Variants in YAP1 observed in about 807,000 individuals in gnomAD.
The protein encoded by YAP1 is Yes1 associated transcriptional regulator, also known as transcriptional coactivator YAP1.
In YAP1, 5 loss-of-function variants were observed where a neutral mutation model predicts 56.9. The ratio of observed to expected loss-of-function variants is 0.09; its 90% CI spans 0.05 to 0.18. The LOEUF (loss-of-function observed/expected upper bound fraction) is 0.18. Ranked by LOEUF, YAP1 falls within the 10% of genes least tolerant of loss-of-function variation. The probability of loss-of-function intolerance (pLI) is 1.00; values close to 1 mark genes in which losing one functional copy is unlikely to be tolerated. For missense variants in YAP1, 539 were observed against 651.8 expected (o/e 0.83, Z 1.88); for synonymous variants, 265 against 248.1 (o/e 1.07, Z -0.64).
intron 3 of YAP1, among the ~76,000 whole-genome samples, chr11:102,185,116 C>G (rs1472083822): frequency 6.6e-6 from 1 of 152,128 alleles, no homozygotes; most frequent in Non-Finnish European, 1.5e-5. Context: ...TATCTCCTGC[C>G]CTGCCTCTTT....
At chr11:102,219,608 A>G (rs1335726082) in intron 6 of YAP1, among the ~76,000 whole-genome samples, 12 of 152,094 alleles carry the variant, frequency 7.9e-5, no homozygotes, top group Admixed American at 7.9e-4. Context: ...AGAAGATAGA[A>G]AAGAAATAAG....
In YAP1 at chr11:102,229,990, C is replaced by G; in HGVS notation, c.*50C>G. 6.6e-7 allele frequency: 1 copy of G among 1,508,222 alleles called. No individual in the cohort carries two copies. The highest frequency in any genetic ancestry group is 9.1e-7 in the Non-Finnish European group (1 of 1,093,776). 93.4% of individuals were successfully genotyped at this position (1,508,222 alleles called of 1,614,324 possible). A position where few individuals can be genotyped will look rare whatever the true frequency, so the allele number is the denominator to read the frequency against. On this transcript the variant is annotated 3_prime_UTR_variant, in exon 9 of 9. Transcript: ENST00000282441. ...AATCTGTGAAGGATCTAAGGAGACA[C>G]ATGCACCGGAAATTTCCATAAGCCA...
At chr11:102,184,139 A>C (rs1947817111) in intron 3 of YAP1, among the ~76,000 whole-genome samples, 1 of 151,722 alleles carries the variant, frequency 6.6e-6, no homozygotes, top group South Asian at 2.1e-4. Flanking sequence ...TGAGGCTCCC[A>C]AAGGCATTCA....
intron 2 of YAP1, among the ~76,000 whole-genome samples, chr11:102,159,816 C>T (rs937865293): frequency 1.3e-5 from 2 of 152,110 alleles, no homozygotes; most frequent in Admixed American, 1.3e-4. Context: ...CTTGACTTTT[C>T]TTTTCCACAG....
rs189801373 is a variant in YAP1 at position 102,133,900 on chromosome 11, G to A, written c.572+19506G>A. Among the ~76,000 whole-genome samples, 442 of 152,278 alleles carry A rather than the reference G, an allele frequency of 2.9e-3. 1 individual carries two copies. The highest frequency in any genetic ancestry group is 5.2e-3 in the Non-Finnish European group (355 of 68,014). On this transcript the variant is annotated intron_variant, in intron 2 of 8. Coordinates refer to ENST00000282441, the MANE Select transcript of YAP1 (RefSeq NM_001130145.3). ...CTGAGGTCTCTTCTCTTGGTTTGTA[G>A]TTGGCTGTCAATCTCCCTGCATGCT...
intron 5 of YAP1, among the ~76,000 whole-genome samples, 193 bp downstream of exon 5, chr11:102,206,267 A>G (rs967791530): frequency 6.6e-5 from 10 of 152,170 alleles, no homozygotes; most frequent in Non-Finnish European, 1.3e-4. Context: ...ATCAAGTTAC[A>G]AGGGATGTGA....
At chr11:102,164,335 T>C (rs1430870839) in intron 3 of YAP1, among the ~76,000 whole-genome samples, 2 of 152,170 alleles carry the variant, frequency 1.3e-5, no homozygotes, top group Non-Finnish European at 2.9e-5. Context: ...GCCTGGCCCC[T>C]AATTAAAAAA....
At chr11:102,136,781 G>C (rs1177284500) in intron 2 of YAP1, among the ~76,000 whole-genome samples, 1 of 152,156 alleles carries the variant, frequency 6.6e-6, no homozygotes, top group Non-Finnish European at 1.5e-5. Context: ...TTACTGAAAA[G>C]TTCACTCCTC....
chr11:102,203,685 G>C (rs936757387), intron 4 of YAP1, among the ~76,000 whole-genome samples: 1 of 152,140 alleles, frequency 6.6e-6, no homozygotes, highest in Admixed American at 6.5e-5. Context: ...CCTTCAAAAT[G>C]TAAAATATAT....
intron 2 of YAP1, among the ~76,000 whole-genome samples, chr11:102,160,193 C>A (rs577281791): frequency 1.8e-4 from 28 of 151,406 alleles, no homozygotes; most frequent in Non-Finnish European, 2.9e-5. Flanking sequence ...CTGGCTAATT[C>A]TGTGTTTTTA....
chr11:102,142,518 CCG>C (rs1945081177), intron 2 of YAP1, among the ~76,000 whole-genome samples: 1 of 152,190 alleles, frequency 6.6e-6, no homozygotes, highest in Non-Finnish European at 1.5e-5. Flanking sequence ...CAAAAAAGGG[CCG>C]TCTTCAGCCT....
intron 3 of YAP1, among the ~76,000 whole-genome samples, chr11:102,170,486 T>C (rs988449704): frequency 6.6e-6 from 1 of 152,138 alleles, no homozygotes; most frequent in Non-Finnish European, 1.5e-5. Flanking sequence ...GGTAATTCTT[T>C]CCTGTCCTCT....
intron 2 of YAP1, among the ~76,000 whole-genome samples, chr11:102,121,301 A>G (rs1327809957): frequency 6.6e-6 from 1 of 152,132 alleles, no homozygotes; most frequent in Non-Finnish European, 1.5e-5. Flanking sequence ...TTAGCCGAGC[A>G]TGGTGGCACC....
intron 3 of YAP1, among the ~76,000 whole-genome samples, chr11:102,185,253 A>G (rs1249948230): frequency 6.6e-6 from 1 of 152,156 alleles, no homozygotes; most frequent in East Asian, 1.9e-4. Flanking sequence ...CCCAAGAGCA[A>G]TTGTCTTGAC....
rs145459781 is a variant in YAP1 at position 102,201,476 on chromosome 11, A to G, written c.803-4417A>G. On this transcript the variant is annotated intron_variant, in intron 4 of 8. Coordinates refer to ENST00000282441, the MANE Select transcript of YAP1 (RefSeq NM_001130145.3). ...TTCAAAGACAGAATGTCATAAGTAC[A>G]CCTGTATTTCAGGTGGTTGGCTAAT... Among the ~76,000 whole-genome samples, 1,215 of 152,300 alleles carry G rather than the reference A, an allele frequency of 8.0e-3. 22 individuals are homozygous for G. Among genetic ancestry groups the G allele is most frequent in the African/African-American group, 0.028 (1,147 of 41,562 alleles).
chr11:102,155,192 A>G lies in YAP1; in HGVS notation c.573-7264A>G, dbSNP rs1407537333. Among the ~76,000 whole-genome samples, 7 of 152,296 alleles carry G rather than the reference A, an allele frequency of 4.6e-5. No homozygotes were observed. In the South Asian group the frequency reaches 1.0e-3, roughly 23 times the overall value. On this transcript the variant is annotated intron_variant, in intron 2 of 8. Transcript: ENST00000282441. ...TGGAAGGCCCTGAAAGCATTACCAA[A>G]GTTTCAAAGTTACCTAAATAACATT...
At chr11:102,121,733 A>G (rs1943666675) in intron 2 of YAP1, among the ~76,000 whole-genome samples, 1 of 152,160 alleles carries the variant, frequency 6.6e-6, no homozygotes, top group Admixed American at 6.5e-5. Flanking sequence ...TCCCCTGAGG[A>G]TAAGTGGGGG....
At chr11:102,183,700 TTCTGTGTGTGTG>T (rs1565240970) in intron 3 of YAP1, among the ~76,000 whole-genome samples, 3 of 98,094 alleles carry the variant, frequency 3.1e-5, no homozygotes, top group African/African-American at 1.2e-4. Flanking sequence ...ATAATGCTGT[TTCTGTGTGTGTG>T]TGTGTGTGTG....
chr11:102,211,740 G>T (rs552023486), intron 6 of YAP1, among the ~76,000 whole-genome samples: 1 of 151,370 alleles, frequency 6.6e-6, no homozygotes, highest in South Asian at 2.1e-4. Flanking sequence ...GTCTTGCTCT[G>T]TCACCCAGGC....
Sources: allele counts gnomAD v4.1 joint callset (sites outside exome capture counted in the v4.1 genomes callset), GRCh38; gene constraint gnomAD v4.1.1; transcripts MANE v1.5; gene names NCBI Gene and HGNC (gene_info 2026-07-23, HGNC 2026-07-21).